Variants in P4HA1 observed in about 807,000 individuals in gnomAD.
P4HA1 encodes prolyl 4-hydroxylase subunit alpha-1.
A neutral mutation model predicts 72.8 loss-of-function variants in P4HA1; 24 were observed. That is an observed-to-expected ratio of 0.33 (90% CI 0.24 to 0.46). The LOEUF (loss-of-function observed/expected upper bound fraction) is 0.46, where lower values mean the gene tolerates loss of function less well. Ranked by LOEUF, P4HA1 falls within the 20% of genes least tolerant of loss-of-function variation. The pLI, the probability that P4HA1 is intolerant of heterozygous loss-of-function variation, is 1.00. For missense variants in P4HA1, 446 were observed against 640.6 expected (o/e 0.70, Z 3.28); for synonymous variants, 201 against 218.8 (o/e 0.92, Z 0.72).
chr10:73,024,281 C>A (rs1460941822), intron 10 of P4HA1, among the ~76,000 whole-genome samples: 1 of 151,204 alleles, frequency 6.6e-6, no homozygotes, highest in Admixed American at 6.6e-5. Flanking sequence ...ACAGAAATCA[C>A]AACAAACTGT....
rs758751522 is a variant in P4HA1, at chr10:73,092,027, C to T, written c.-33+4739G>A. Among the ~76,000 whole-genome samples the T allele has an allele frequency of 9.9e-5, 15 of 152,228 alleles. 1 individual carries two copies. In the South Asian group the frequency reaches 1.9e-3, roughly 19 times the overall value. On this transcript the variant is annotated intron_variant, in intron 1 of 14. Transcript: ENST00000394890. ...TTCTGTCAAAATTCCACTTTTATTT[C>T]CACCCAGTCTACCTCTTTCTAGTCT...
intron 9 of P4HA1, among the ~76,000 whole-genome samples, chr10:73,038,688 G>A (rs368095095): frequency 1.9e-5 from 2 of 104,734 alleles, no homozygotes; most frequent in South Asian, 7.4e-4. Context: ...GTGCAGTGGC[G>A]GGATCTCGGC....
chr10:73,055,980 T>C (rs981919421), intron 5 of P4HA1, among the ~76,000 whole-genome samples: 1 of 152,224 alleles, frequency 6.6e-6, no homozygotes, highest in African/African-American at 2.4e-5. Context: ...CTCCTGATGT[T>C]ATAACATTAA....
intron 10 of P4HA1, among the ~76,000 whole-genome samples, chr10:73,021,072 T>C (rs980292078): frequency 4.6e-5 from 7 of 151,868 alleles, no homozygotes; most frequent in African/African-American, 1.5e-4. Context: ...GAGGTGGAGG[T>C]TGCAGTGAGC....
In P4HA1 at chr10:73,030,383, G is replaced by A; in HGVS notation, c.1149-13C>T. ...AGAGAGCCAGGCACTAAGAATAAGA[G>A]GAATATTAGTTTTATTGATAATGTT... On this transcript the variant is annotated splice_polypyrimidine_tract_variant and intron_variant, in intron 9 of 14. Transcript: ENST00000394890. 1 of 1,401,986 alleles carries A rather than the reference G, an allele frequency of 7.1e-7. No homozygotes were observed. The highest frequency in any genetic ancestry group is 9.9e-7 in the Non-Finnish European group (1 of 1,009,416). The allele number at this position is 1,401,986 out of a possible 1,614,324, so 86.8% of individuals were successfully genotyped here.
intron 11 of P4HA1, among the ~76,000 whole-genome samples, chr10:73,015,076 C>A (rs1839984766): frequency 2.0e-5 from 3 of 151,958 alleles, no homozygotes. Flanking sequence ...AGTGATCCAC[C>A]CACCTTGGCC....
chr10:73,053,454 A>G lies in P4HA1; in HGVS notation c.600T>C (p.Ser200=), dbSNP rs1774697041. ...ALRQLDEGEI[S]TIDKVSVLDY... The stretch of plus-strand genomic sequence containing the variant: ...CTAGAACAGAGACTTTATCTATGGT[A>G]GAAATCTCGCCTTCATCCAGTTGCC... Residue 200 remains serine (S), a synonymous_variant, in exon 6 of 15, where the codon TCT becomes TCC. Transcript: ENST00000394890. 6.2e-7 allele frequency: 1 copy of G among 1,614,036 alleles called. No individual in the cohort carries two copies. Among genetic ancestry groups the G allele is most frequent in the African/African-American group, 1.3e-5 (1 of 74,940 alleles).
intron 9 of P4HA1, among the ~76,000 whole-genome samples, chr10:73,032,778 G>T (rs917790936): frequency 6.6e-5 from 10 of 152,200 alleles, no homozygotes; most frequent in Admixed American, 5.9e-4. Context: ...GCGAGCAAGC[G>T]TAAGAGAGAG....
intron 1 of P4HA1, among the ~76,000 whole-genome samples, chr10:73,086,238 G>A (rs566444017): frequency 2.0e-5 from 3 of 152,298 alleles, no homozygotes; most frequent in South Asian, 4.1e-4. Context: ...GAATGTTCAC[G>A]GCAGCAGCAT....
At chr10:73,069,806 G>GTTTTTTTTTTTT (rs201651550) in intron 4 of P4HA1, among the ~76,000 whole-genome samples, 2 of 147,420 alleles carry the variant, frequency 1.4e-5, no homozygotes, top group African/African-American at 2.6e-5. Flanking sequence ...ATAATCAACT[G>GTTTTTTTTTTTT]TTTTGTTTTT....
intron 9 of P4HA1, among the ~76,000 whole-genome samples, chr10:73,041,350 C>T (rs1840728331): frequency 6.6e-6 from 1 of 152,160 alleles, no homozygotes; most frequent in South Asian, 2.1e-4. Context: ...CGAGACCATC[C>T]TGGCTAACAC....
intron 4 of P4HA1, among the ~76,000 whole-genome samples, chr10:73,069,212 T>C (rs1440901109): frequency 1.3e-5 from 2 of 152,230 alleles, no homozygotes; most frequent in Non-Finnish European, 2.9e-5. Context: ...GACGCTGTTA[T>C]ATAAATTGTA....
intron 13 of P4HA1, among the ~76,000 whole-genome samples, 186 bp from the exon 14 acceptor site, chr10:73,010,089 G>A (rs112956891): frequency 0.012 from 1,766 of 151,820 alleles, 10 homozygotes; most frequent in Non-Finnish European, 0.02. Context: ...CTGCCTCAGC[G>A]TCTCAAATAG....
At chr10:73,013,010 G>C (rs1170599210) in intron 12 of P4HA1, among the ~76,000 whole-genome samples, 1 of 152,104 alleles carries the variant, frequency 6.6e-6, no homozygotes, top group African/African-American at 2.4e-5. Context: ...TGGCCAGGCT[G>C]GTCTCGAACT....
intron 14 of P4HA1, 62 bp downstream of exon 14, chr10:73,009,745 T>A (rs1390727722): frequency 4.2e-6 from 4 of 949,140 alleles, no homozygotes; most frequent in Non-Finnish European, 3.4e-6. Flanking sequence ...AAGACACAGA[T>A]AATAGTTCCA....
chr10:73,070,752 A>G (rs979181881), intron 4 of P4HA1, among the ~76,000 whole-genome samples: 16 of 152,350 alleles, frequency 1.1e-4, no homozygotes, highest in Non-Finnish European at 2.4e-4. Flanking sequence ...AAATTCTAAG[A>G]AAAATTAAAA....
intron 10 of P4HA1, among the ~76,000 whole-genome samples, chr10:73,022,057 G>A (rs1840148487): frequency 6.6e-6 from 1 of 152,222 alleles, no homozygotes; most frequent in Non-Finnish European, 1.5e-5. Context: ...CACCTCTGTG[G>A]GCAGGGCATA....
At chr10:73,086,117 G>C (rs1316808613) in intron 1 of P4HA1, among the ~76,000 whole-genome samples, 1 of 152,186 alleles carries the variant, frequency 6.6e-6, no homozygotes, top group African/African-American at 2.4e-5. Context: ...CTGGAAAACA[G>C]TTTAGTTCCT....
chr10:73,031,146 A>G (rs1589587645), intron 9 of P4HA1, among the ~76,000 whole-genome samples: 1 of 152,306 alleles, frequency 6.6e-6, no homozygotes, highest in South Asian at 2.1e-4. Context: ...GATACATAAA[A>G]CGTGATAGAT....
Sources: gnomAD v4.1 joint callset for allele counts (sites outside exome capture counted in the v4.1 genomes callset) on GRCh38, gnomAD v4.1.1 for gene constraint, MANE v1.5 for transcripts, NCBI Gene and HGNC (gene_info 2026-07-23, HGNC 2026-07-21) for gene names.